The following SLC4A4 variants were observed in gnomAD, a reference collection of about 807,000 sequenced individuals.
SLC4A4 encodes the protein electrogenic sodium bicarbonate cotransporter 1.
A neutral mutation model predicts 111.5 loss-of-function variants in SLC4A4; 27 were observed. The ratio of observed to expected loss-of-function variants is 0.24; its 90% CI spans 0.18 to 0.33. SLC4A4 has a LOEUF of 0.33. SLC4A4 is among the 10% of genes least tolerant of loss of function. The pLI is 1.00. For synonymous variants in SLC4A4, 443 were observed against 463.4 expected (o/e 0.96, Z 0.57); for missense variants, 909 against 1,315.5 (o/e 0.69, Z 4.78).
chr4:71,245,270 A>G (rs1720569825), intron 2 of SLC4A4, among the ~76,000 whole-genome samples: 2 of 152,178 alleles, frequency 1.3e-5, no homozygotes, highest in African/African-American at 4.8e-5. Flanking sequence ...AGTGTGCACT[A>G]AGGAAACATT....
At chr4:71,183,987 T>C (rs1745378471), upstream of SLC4A4, among the ~76,000 whole-genome samples, 1 of 152,194 alleles carries the variant, frequency 6.6e-6, no homozygotes, top group Non-Finnish European at 1.5e-5. Context: ...TTTTTCACCT[T>C]TTTTCCCAAT....
intron 12 of SLC4A4, among the ~76,000 whole-genome samples, chr4:71,457,112 T>C (rs1301862921): frequency 1.3e-5 from 2 of 152,296 alleles, no homozygotes; most frequent in African/African-American, 4.8e-5. Flanking sequence ...TGCATGGCTG[T>C]TGTCTAAGCA....
intron 3 of SLC4A4, among the ~76,000 whole-genome samples, chr4:71,338,560 C>T (rs1728616219): frequency 1.3e-5 from 2 of 148,338 alleles, no homozygotes; most frequent in Non-Finnish European, 1.5e-5. Flanking sequence ...TCGTCTTCTT[C>T]TTCTTCTTTT....
chr4:71,472,663 AG>A, intron 13 of SLC4A4, 35 bp from the exon 14 acceptor site: 1 of 1,601,812 alleles, frequency 6.2e-7, no homozygotes, highest in South Asian at 1.1e-5. Flanking sequence ...TGTTCCAAGG[AG>A]GAGGAATCTA....
At chr4:71,449,851 T>G (rs1725597767) in intron 9 of SLC4A4, among the ~76,000 whole-genome samples, 1 of 152,214 alleles carries the variant, frequency 6.6e-6, no homozygotes, top group Non-Finnish European at 1.5e-5. Flanking sequence ...AGACAGATGA[T>G]TGACTATTTA....
rs34834503 is a variant in SLC4A4 at position 71,466,764 on chromosome 4, C to T, written c.1631+187C>T. Reference sequence around the variant, plus strand: ...ACCACTTGTTTCAGATGTGATTCGACTGAGGCTCTTATGTTGTGTGTATCC... The same window carrying T: ...ACCACTTGTTTCAGATGTGATTCGATTGAGGCTCTTATGTTGTGTGTATCC... On this transcript the variant is annotated intron_variant, in intron 13 of 25. Transcript: ENST00000264485. Among the ~76,000 whole-genome samples, 81,676 of 151,616 alleles carry T rather than the reference C, an allele frequency of 0.54. 25,163 individuals are homozygous for T. Among genetic ancestry groups the T allele is most frequent in the Non-Finnish European group, 0.71 (47,901 of 67,900 alleles).
intron 15 of SLC4A4, among the ~76,000 whole-genome samples, chr4:71,496,429 G>T: frequency 6.6e-6 from 1 of 152,048 alleles, no homozygotes; most frequent in East Asian, 1.9e-4. Flanking sequence ...GCTTCAGCCT[G>T]ATCCCATGGG....
chr4:71,445,971 G>C (rs1396696600), intron 8 of SLC4A4, among the ~76,000 whole-genome samples: 1 of 152,134 alleles, frequency 6.6e-6, no homozygotes, highest in Non-Finnish European at 1.5e-5. Flanking sequence ...CTTCATACTT[G>C]AACAGACTTT....
At chr4:71,100,486 C>T (rs985991781) in intron 2 of SLC4A4, among the ~76,000 whole-genome samples, 50 of 152,264 alleles carry the variant, frequency 3.3e-4, no homozygotes, top group African/African-American at 1.2e-3. Flanking sequence ...CCACAGTCAA[C>T]ATCATACTGG....
intron 2 of SLC4A4, among the ~76,000 whole-genome samples, chr4:71,180,484 T>C (rs1445903292): frequency 6.6e-6 from 1 of 152,058 alleles, no homozygotes; most frequent in Non-Finnish European, 1.5e-5. Flanking sequence ...GAATCTACAT[T>C]GAACTCCAAC....
intron 15 of SLC4A4, among the ~76,000 whole-genome samples, chr4:71,493,183 G>A (rs1047502472): frequency 2.6e-5 from 4 of 151,822 alleles, no homozygotes; most frequent in African/African-American, 9.7e-5. Flanking sequence ...AACATGCCCA[G>A]TTAAAGATGA....
intron 21 of SLC4A4, among the ~76,000 whole-genome samples, 177 bp from the exon 22 acceptor site, chr4:71,557,535 G>T (rs774328209): frequency 1.8e-4 from 27 of 151,854 alleles, no homozygotes; most frequent in Non-Finnish European, 2.7e-4. Flanking sequence ...ATAAAGATTT[G>T]AAGACTTGTG....
intron 18 of SLC4A4, among the ~76,000 whole-genome samples, chr4:71,546,077 A>G (rs952364555): frequency 2.2e-4 from 34 of 152,072 alleles, no homozygotes; most frequent in African/African-American, 7.5e-4. Context: ...TTAGGAATAA[A>G]CAAATAATAA....
At chr4:71,233,046 C>G (rs1475497280) in intron 1 of SLC4A4, among the ~76,000 whole-genome samples, 2 of 152,218 alleles carry the variant, frequency 1.3e-5, no homozygotes, top group African/African-American at 4.8e-5. Context: ...CCTCATTAAA[C>G]TGTCATCCTT....
At chr4:71,399,242 C>T (rs1194531071) in intron 7 of SLC4A4, among the ~76,000 whole-genome samples, 1 of 151,954 alleles carries the variant, frequency 6.6e-6, no homozygotes, top group Non-Finnish European at 1.5e-5. Flanking sequence ...TGTTCTTTCT[C>T]TTTCTGTCTT....
chr4:71,324,980 T>C (rs1277648041), intron 3 of SLC4A4, among the ~76,000 whole-genome samples: 1 of 151,992 alleles, frequency 6.6e-6, no homozygotes, highest in Non-Finnish European at 1.5e-5. Flanking sequence ...TTTGTGATAA[T>C]TGACAGCTTT....
intron 8 of SLC4A4, among the ~76,000 whole-genome samples, chr4:71,445,622 A>G (rs1725155641): frequency 6.6e-6 from 1 of 152,150 alleles, no homozygotes; most frequent in African/African-American, 2.4e-5. Flanking sequence ...CTTGTGGCAC[A>G]GCATCTGCCC....
intron 6 of SLC4A4, among the ~76,000 whole-genome samples, chr4:71,374,026 A>C (rs951013189): frequency 1.3e-5 from 2 of 152,194 alleles, no homozygotes; most frequent in African/African-American, 4.8e-5. Flanking sequence ...GATATGTTTC[A>C]CTAGCAGATT....
chr4:71,102,898 AG>A (rs1473547281), intron 2 of SLC4A4, among the ~76,000 whole-genome samples: 1 of 152,004 alleles, frequency 6.6e-6, no homozygotes, highest in African/African-American at 2.4e-5. Context: ...TCATAATGAC[AG>A]GATCCAATTC....
Sources: gnomAD v4.1 joint callset for allele counts (sites outside exome capture counted in the v4.1 genomes callset) on GRCh38, gnomAD v4.1.1 for gene constraint, MANE v1.5 for transcripts, NCBI Gene and HGNC (gene_info 2026-07-23, HGNC 2026-07-21) for gene names.